TRIM5: variants seen among roughly 807,000 people sequenced by gnomAD.
TRIM5 encodes tripartite motif containing 5.
A neutral mutation model predicts 35.6 loss-of-function variants in TRIM5; 31 were observed. The ratio of observed to expected loss-of-function variants is 0.87; its 90% CI spans 0.65 to 1.18. The LOEUF is 1.18. Ranked by LOEUF, TRIM5 falls within the 50% of genes most tolerant of loss-of-function variation. The probability of loss-of-function intolerance (pLI) is 0.00; values close to 1 mark genes in which losing one functional copy is unlikely to be tolerated. For missense variants in TRIM5, 609 were observed against 591.6 expected, an observed-to-expected ratio of 1.03 and a Z score of -0.31; for synonymous variants, 243 against 215.6, an observed-to-expected ratio of 1.13 and a Z score of -1.11.
chr11:5,603,658 T>C, the TRIM5 span: 1 of 1,613,514 alleles, frequency 6.2e-7, no homozygotes. Flanking sequence ...GAAGGTCATT[T>C]GCTGGCTTTG....
the TRIM5 span, chr11:5,596,909 A>T: frequency 1.9e-6 from 3 of 1,614,134 alleles, no homozygotes; most frequent in Admixed American, 3.3e-5. Flanking sequence ...TGTGCGGGTC[A>T]GAGAGGTATG....
At chr11:5,637,277 G>T in the TRIM5 span, among the ~76,000 whole-genome samples, 3 of 152,162 alleles carry the variant, frequency 2.0e-5, no homozygotes, top group South Asian at 4.1e-4. Context: ...TCTCATGATG[G>T]CGATCGGGAT....
At chr11:5,653,385 T>G in the TRIM5 span, among the ~76,000 whole-genome samples, 14 of 152,176 alleles carry the variant, frequency 9.2e-5, no homozygotes, top group Non-Finnish European at 1.5e-4. Context: ...ACTTGGGAAT[T>G]TTTCATCAAT....
At chr11:5,650,593 T>C in the TRIM5 span, among the ~76,000 whole-genome samples, 1 of 152,232 alleles carries the variant, frequency 6.6e-6, no homozygotes, top group Non-Finnish European at 1.5e-5. Context: ...GTGAAGACCA[T>C]GCACATGTGA....
At chr11:5,674,536 G>C (rs1202472957) in intron 4 of TRIM5, among the ~76,000 whole-genome samples, 2 of 152,206 alleles carry the variant, frequency 1.3e-5, no homozygotes, top group African/African-American at 4.8e-5. Flanking sequence ...CCTAACACTG[G>C]GCTCAACCTA....
chr11:5,619,405 A>G, the TRIM5 span, among the ~76,000 whole-genome samples: 1 of 151,976 alleles, frequency 6.6e-6, no homozygotes, highest in Non-Finnish European at 1.5e-5. Flanking sequence ...TCCAGTGGAG[A>G]GTAGGCCTTT....
At chr11:5,610,863 G>A in the TRIM5 span, 1 of 1,614,218 alleles carries the variant, frequency 6.2e-7, no homozygotes, top group Non-Finnish European at 8.5e-7. Flanking sequence ...GGGAGCTAAA[G>A]TATCTGGACC....
At chr11:5,629,042 C>A in the TRIM5 span, among the ~76,000 whole-genome samples, 3 of 152,006 alleles carry the variant, frequency 2.0e-5, no homozygotes, top group Non-Finnish European at 4.4e-5. Context: ...TTTGGGAGGC[C>A]GAGACAGGTG....
the TRIM5 span, among the ~76,000 whole-genome samples, chr11:5,593,532 A>AT: frequency 0.056 from 8,508 of 151,950 alleles, 312 homozygotes; most frequent in East Asian, 0.16. Context: ...CTGAGTTTGT[A>AT]TTTTTTTTAT....
chr11:5,656,388 C>CT, the TRIM5 span, among the ~76,000 whole-genome samples: 1,292 of 145,860 alleles, frequency 8.9e-3, 27 homozygotes, highest in African/African-American at 0.03. Flanking sequence ...GAGTTTTGCT[C>CT]TGTTGCCCAC....
the TRIM5 span, among the ~76,000 whole-genome samples, chr11:5,595,717 ATTC>A: frequency 7.0e-6 from 1 of 142,558 alleles, no homozygotes; most frequent in Non-Finnish European, 1.6e-5. Flanking sequence ...ACCTTCAAAA[ATTC>A]TTTTTTTTTT....
At chr11:5,626,389 ACT>A in the TRIM5 span, among the ~76,000 whole-genome samples, 1 of 152,178 alleles carries the variant, frequency 6.6e-6, no homozygotes, top group East Asian at 1.9e-4. Flanking sequence ...TAGGGTAATG[ACT>A]CTGTAAAGAC....
Position 5,679,926 on chromosome 11 carries a change from C to G in TRIM5, c.252G>C (p.Lys84Asn). The change falls in exon 2 of 8, where the codon AAG (lysine) becomes AAC (asparagine). Residue 84 changes from lysine (K) to asparagine (N), a missense_variant. Physicochemically the swap from Lys to Asn is moderately conservative, Grantham distance 94. Transcript: ENST00000380034. ...CAACTTTCTGCCCCTCTGGGCTCAA[C>G]TTGACCTCCCTGAGCTTCTCCACTA... Reference protein sequence around the residue: ...ANIVEKLREVKLSPEGQKVDH... With the variant: ...ANIVEKLREVNLSPEGQKVDH... The G allele has an allele frequency of 6.2e-7, 1 of 1,614,144 alleles. No homozygotes were observed. The highest frequency in any genetic ancestry group is 8.5e-7 in the Non-Finnish European group (1 of 1,180,036).
the TRIM5 span, among the ~76,000 whole-genome samples, chr11:5,622,444 C>CA: frequency 0.34 from 39,861 of 116,144 alleles, 6,486 homozygotes; most frequent in East Asian, 0.64. Flanking sequence ...GACTACCTCT[C>CA]AAAAAAAAAA....
the TRIM5 span, chr11:5,643,111 A>C: frequency 8.9e-7 from 1 of 1,127,594 alleles, no homozygotes; most frequent in Non-Finnish European, 1.1e-6. Context: ...TTATATTCAT[A>C]TACATATATA....
At chr11:5,594,484 T>G in the TRIM5 span, among the ~76,000 whole-genome samples, 9 of 151,948 alleles carry the variant, frequency 5.9e-5, no homozygotes, top group African/African-American at 2.2e-4. Flanking sequence ...AATTTACTTA[T>G]TTTTTTTAGA....
intron 4 of TRIM5, among the ~76,000 whole-genome samples, chr11:5,675,982 G>A (rs1334533546): frequency 2.3e-5 from 3 of 128,434 alleles, no homozygotes; most frequent in African/African-American, 7.9e-5. Flanking sequence ...ATAGTTTACT[G>A]AGAATGATGA....
the TRIM5 span, among the ~76,000 whole-genome samples, chr11:5,604,094 C>T: frequency 4.6e-5 from 7 of 152,114 alleles, no homozygotes; most frequent in Admixed American, 2.0e-4. Context: ...CTCCCGGGTT[C>T]AAGCAGTTCT....
the TRIM5 span, among the ~76,000 whole-genome samples, chr11:5,592,206 C>G: frequency 6.6e-6 from 1 of 152,156 alleles, no homozygotes; most frequent in Admixed American, 6.5e-5. Flanking sequence ...ATATGCACAG[C>G]AAAATTCATG....
Sources: allele counts gnomAD v4.1 joint callset (sites outside exome capture counted in the v4.1 genomes callset), GRCh38; gene constraint gnomAD v4.1.1; transcripts MANE v1.5; gene names NCBI Gene and HGNC (gene_info 2026-07-23, HGNC 2026-07-21).